ARHGEF4: variants seen among roughly 807,000 people sequenced by gnomAD.
ARHGEF4 encodes the protein Rho guanine nucleotide exchange factor 4, also known as APC-stimulated guanine nucleotide exchange factor 1.
ARHGEF4 carries 119 observed loss-of-function variants against 162.0 expected under a neutral mutation model. The ratio of observed to expected loss-of-function variants is 0.73; its 90% CI spans 0.63 to 0.86. The LOEUF (loss-of-function observed/expected upper bound fraction) is 0.86. Ranked by LOEUF, ARHGEF4 falls within the 40% of genes least tolerant of loss-of-function variation. ARHGEF4 has a pLI of 0.00. For missense variants in ARHGEF4, 2,488 were observed against 2,456.0 expected (o/e 1.01, Z -0.28); for synonymous variants, 1,014 against 979.9 (o/e 1.03, Z -0.65).
intron 2 of ARHGEF4, among the ~76,000 whole-genome samples, chr2:130,918,432 G>A (rs1681657954): frequency 1.3e-5 from 2 of 151,270 alleles, no homozygotes. Context: ...GTGCCCTGGA[G>A]ACTGCGAAAA....
intron 4 of ARHGEF4, among the ~76,000 whole-genome samples, chr2:130,975,431 T>C (rs1299731151): frequency 6.6e-6 from 1 of 152,158 alleles, no homozygotes; most frequent in South Asian, 2.1e-4. Context: ...TCTAACCTGC[T>C]GAGCCACTGG....
At chr2:131,037,122 A>G (rs12617538) in intron 5 of ARHGEF4, among the ~76,000 whole-genome samples, 27,100 of 152,134 alleles carry the variant, frequency 0.18, 3,731 homozygotes, top group African/African-American at 0.38. Context: ...GACCCCGTGG[A>G]GGCCTCTGGA....
intron 5 of ARHGEF4, chr2:131,035,118 CG>C: frequency 8.7e-7 from 1 of 1,149,384 alleles, no homozygotes; most frequent in Non-Finnish European, 1.1e-6. Context: ...AGCCCCGGCG[CG>C]GCCCCGCGGC....
intron 5 of ARHGEF4, among the ~76,000 whole-genome samples, chr2:131,033,581 G>A (rs1468641641): frequency 1.3e-5 from 2 of 152,186 alleles, no homozygotes; most frequent in Non-Finnish European, 2.9e-5. Context: ...CACACGTCAG[G>A]GGTTCGAAGC....
chr2:131,039,549 G>T (rs1051932064), intron 6 of ARHGEF4: 51 of 1,034,742 alleles, frequency 4.9e-5, no homozygotes, highest in Non-Finnish European at 5.7e-5. Flanking sequence ...GCTGAGGGCC[G>T]TCCGGCGGGG....
chr2:131,032,848 CTTTTTTTT>C (rs111971610), intron 5 of ARHGEF4, among the ~76,000 whole-genome samples: 2 of 128,632 alleles, frequency 1.6e-5, no homozygotes, highest in South Asian at 2.6e-4. Flanking sequence ...TTTCTTTTTT[CTTTTTTTT>C]TTTTTTTTTT....
intron 5 of ARHGEF4, chr2:131,035,072 G>A (rs1308006645): frequency 6.9e-6 from 7 of 1,016,868 alleles, no homozygotes; most frequent in Non-Finnish European, 7.0e-6. Context: ...GGGGCCGCAC[G>A]GAGCGGGAGG....
chr2:130,916,912 A>C lies in ARHGEF4; in HGVS notation c.2966A>C (p.Glu989Ala). ...CCAGCAGAGACCGACAGCCACTGTG[A>C]GGAACGGGCGGAGGACAAAGAGGGC... Reference protein sequence around the residue: ...LSPAETDSHCEERAEDKEGYV... With the variant: ...LSPAETDSHCAERAEDKEGYV... The change falls in exon 2 of 14, where the codon GAG (glutamate) becomes GCG (alanine). Residue 989 changes from glutamate to alanine, a missense_variant. Glu to Ala is a moderately radical substitution (Grantham distance 107). Coordinates refer to ENST00000409359, the MANE Select transcript of ARHGEF4 (RefSeq NM_001367493.1). 6.4e-7 allele frequency: 1 copy of C among 1,550,602 alleles called. No homozygotes were observed. Among genetic ancestry groups the C allele is most frequent in the East Asian group, 2.4e-5 (1 of 40,886 alleles).
intron 1 of ARHGEF4, among the ~76,000 whole-genome samples, chr2:130,912,452 A>G (rs1681243237): frequency 6.6e-6 from 1 of 152,210 alleles, no homozygotes; most frequent in Non-Finnish European, 1.5e-5. Flanking sequence ...CTGCAGGATC[A>G]TGTTATTCCT....
rs1690618560 is a variant in ARHGEF4 at position 131,039,784 on chromosome 2, C to A, written c.4306-232C>A. 5 of 1,397,876 alleles carry A rather than the reference C, an allele frequency of 3.6e-6. No individual in the cohort carries two copies. In the East Asian group the frequency reaches 1.4e-4, roughly 39 times the overall value. 86.6% of individuals were successfully genotyped at this position (1,397,876 alleles called of 1,614,324 possible). A position where few individuals can be genotyped will look rare whatever the true frequency, so the allele number is the denominator to read the frequency against. On this transcript the variant is annotated intron_variant, in intron 6 of 13. Coordinates refer to ENST00000409359, the MANE Select transcript of ARHGEF4 (RefSeq NM_001367493.1). ...GCACAAGCAGGGTCTAGGAAGGAGG[C>A]CAAATCGGTATTCGGATCACACTGA...
intron 3 of ARHGEF4, among the ~76,000 whole-genome samples, chr2:130,944,050 C>CT (rs1340382024): frequency 6.6e-6 from 1 of 152,176 alleles, no homozygotes; most frequent in African/African-American, 2.4e-5. Context: ...CCTGAACATA[C>CT]TTTTGCTGGA....
chr2:131,038,750 C>T (rs1690506179), intron 5 of ARHGEF4, 103 bp from the exon 6 acceptor site: 2 of 1,338,374 alleles, frequency 1.5e-6, no homozygotes, highest in African/African-American at 2.9e-5. Flanking sequence ...GTAAAGAAGT[C>T]AGGATCCCCT....
chr2:130,886,316 G>A (rs1395242340), intron 1 of ARHGEF4, among the ~76,000 whole-genome samples: 1 of 151,684 alleles, frequency 6.6e-6, no homozygotes, highest in Non-Finnish European at 1.5e-5. Context: ...TTAAGATCAA[G>A]GAGGTATTAA....
intron 1 of ARHGEF4, among the ~76,000 whole-genome samples, chr2:130,852,967 G>A (rs1378500225): frequency 6.6e-6 from 1 of 152,230 alleles, no homozygotes; most frequent in African/African-American, 2.4e-5. Context: ...ATCGCCCTGG[G>A]TGGGGCCTGC....
intron 4 of ARHGEF4, among the ~76,000 whole-genome samples, chr2:130,965,038 C>CCAG (rs1684914267): frequency 6.6e-6 from 1 of 152,194 alleles, no homozygotes; most frequent in South Asian, 2.1e-4. Context: ...GTAGCTTCTG[C>CCAG]AGTGGGGTTT....
chr2:131,011,271 C>T (rs371936103), intron 4 of ARHGEF4, among the ~76,000 whole-genome samples: 25 of 152,340 alleles, frequency 1.6e-4, no homozygotes, highest in African/African-American at 5.5e-4. Flanking sequence ...TTTATCCCAA[C>T]CTTAGCCCCT....
chr2:131,027,329 G>C (rs1689546212), intron 4 of ARHGEF4, among the ~76,000 whole-genome samples: 1 of 152,140 alleles, frequency 6.6e-6, no homozygotes, highest in South Asian at 2.1e-4. Context: ...TAGCATAACT[G>C]ACAGAACTAA....
intron 4 of ARHGEF4, among the ~76,000 whole-genome samples, chr2:130,988,901 TAG>T (rs368452142): frequency 1.3e-3 from 148 of 113,334 alleles, no homozygotes; most frequent in Admixed American, 2.7e-3. Context: ...TATATATATA[TAG>T]AGAGAGAGAG....
In ARHGEF4 at chr2:130,916,441, T is replaced by A. The variant is rs972802049; in HGVS notation, c.2495T>A (p.Leu832His). The change falls in exon 2 of 14, where the codon CTC (leucine) becomes CAC (histidine). Residue 832 changes from leucine to histidine, a missense_variant. Transcript: ENST00000409359. ...TGGGGCTCTTCAGGCCCCGAGGGGC[T>A]CCCCAGGGAGAATCCGCCCGCTGCG... ...RRWGSSGPEG[L>H]PRENPPAAAG... 7.1e-6 allele frequency: 11 copies of A among 1,538,638 alleles called. No homozygotes were observed. Among genetic ancestry groups the A allele is most frequent in the Non-Finnish European group, 9.6e-6 (11 of 1,144,832 alleles).
Sources: allele counts gnomAD v4.1 joint callset (sites outside exome capture counted in the v4.1 genomes callset), GRCh38; gene constraint gnomAD v4.1.1; transcripts MANE v1.5; gene names NCBI Gene and HGNC (gene_info 2026-07-23, HGNC 2026-07-21).